FRMD4A: variants seen among roughly 807,000 people sequenced by gnomAD.
FRMD4A encodes FERM domain-containing protein 4A.
FRMD4A carries 29 observed loss-of-function variants against 129.1 expected under a neutral mutation model. The ratio of observed to expected loss-of-function variants is 0.22; its 90% confidence interval spans 0.17 to 0.31. FRMD4A has a LOEUF of 0.31. FRMD4A is among the 10% of genes least tolerant of loss of function. The pLI is 1.00. For synonymous variants in FRMD4A, 634 were observed against 571.6 expected (o/e 1.11, Z -1.56); for missense variants, 1,272 against 1,375.8 (o/e 0.92, Z 1.19).
At chr10:13,866,992 A>G (rs533765489) in intron 2 of FRMD4A, among the ~76,000 whole-genome samples, 2 of 152,318 alleles carry the variant, frequency 1.3e-5, no homozygotes, top group African/African-American at 2.4e-5. Context: ...AGATAGTGTA[A>G]TGGTTACTAC....
intron 2 of FRMD4A, among the ~76,000 whole-genome samples, chr10:13,871,354 C>A (rs188409156): frequency 6.6e-6 from 1 of 152,122 alleles, no homozygotes; most frequent in African/African-American, 2.4e-5. Context: ...ACCGGACCAG[C>A]GGCCTCTGAC....
chr10:14,030,199 TAA>T (rs1395171732), intron 2 of FRMD4A, among the ~76,000 whole-genome samples: 3 of 152,204 alleles, frequency 2.0e-5, no homozygotes, highest in African/African-American at 7.2e-5. Context: ...GTGACTGAGT[TAA>T]CAATGCTGTA....
intron 15 of FRMD4A, among the ~76,000 whole-genome samples, chr10:13,682,649 C>T (rs1404339584): frequency 1.3e-5 from 2 of 151,660 alleles, no homozygotes; most frequent in Non-Finnish European, 2.9e-5. Flanking sequence ...CACAGGCACA[C>T]GCCACCACGC....
intron 2 of FRMD4A, among the ~76,000 whole-genome samples, chr10:14,264,132 C>T (rs1163506194): frequency 2.0e-5 from 3 of 152,144 alleles, no homozygotes; most frequent in East Asian, 3.9e-4. Context: ...CTCATTAATC[C>T]ACTCTGCCCT....
At chr10:13,966,123 G>A (rs765774323) in intron 2 of FRMD4A, among the ~76,000 whole-genome samples, 16 of 151,966 alleles carry the variant, frequency 1.1e-4, no homozygotes, top group Non-Finnish European at 2.1e-4. Context: ...GGGTTCAAGC[G>A]ATTCTCCTGC....
At chr10:14,280,237 G>A (rs1845474651) in intron 2 of FRMD4A, among the ~76,000 whole-genome samples, 1 of 152,160 alleles carries the variant, frequency 6.6e-6, no homozygotes, top group South Asian at 2.1e-4. Flanking sequence ...TTTGCTTGGT[G>A]GAAAAGCATC....
intron 2 of FRMD4A, among the ~76,000 whole-genome samples, chr10:14,034,965 G>A (rs747973930): frequency 6.6e-6 from 1 of 152,136 alleles, no homozygotes; most frequent in Non-Finnish European, 1.5e-5. Context: ...GTCTCCCTGG[G>A]TTCAGTTTCC....
intron 2 of FRMD4A, among the ~76,000 whole-genome samples, chr10:14,040,586 C>T (rs1200170950): frequency 6.6e-6 from 1 of 152,210 alleles, no homozygotes; most frequent in African/African-American, 2.4e-5. Context: ...GAACAGGCCC[C>T]AGGGACTTTG....
chr10:14,330,043 T>C lies in FRMD4A; in HGVS notation c.45+15A>G. 6.4e-7 allele frequency: 1 copy of C among 1,552,094 alleles called. No homozygotes were observed. Among genetic ancestry groups the C allele is most frequent in the Non-Finnish European group, 8.7e-7 (1 of 1,147,112 alleles). On this transcript the variant is annotated intron_variant, in intron 2 of 24. Coordinates refer to ENST00000357447, the MANE Select transcript of FRMD4A (RefSeq NM_018027.5). Reference sequence around the variant, plus strand: ...TGGACGCTGCCCGGGCCCCACCTCCTGTCTGAACACTCACCATCAGCAGGC... The same window carrying C: ...TGGACGCTGCCCGGGCCCCACCTCCCGTCTGAACACTCACCATCAGCAGGC...
chr10:14,007,919 G>A (rs2095667740), intron 2 of FRMD4A: 3 of 980,686 alleles, frequency 3.1e-6, no homozygotes, highest in Non-Finnish European at 3.9e-6. Flanking sequence ...TAAAATTACA[G>A]ATGAGATAGT....
At position 13,876,847 on chromosome 10, in the gene FRMD4A, T is replaced by C. The variant is rs2094493839; in HGVS notation, c.46-17935A>G. Among the ~76,000 whole-genome samples, 5 of 151,814 alleles carry C rather than the reference T, an allele frequency of 3.3e-5. No homozygotes were observed. The South Asian group carries it at 8.3e-4, about 25-fold the overall frequency. On this transcript the variant is annotated intron_variant, in intron 2 of 24. Transcript: ENST00000357447. Reference sequence around the variant, plus strand: ...TTTAAATAGCATATATCTTTATATATATAATTTCAAGGGCAATTATGTAAT... The same window carrying C: ...TTTAAATAGCATATATCTTTATATACATAATTTCAAGGGCAATTATGTAAT...
At chr10:13,925,334 A>G (rs1389791338) in intron 2 of FRMD4A, among the ~76,000 whole-genome samples, 1 of 152,116 alleles carries the variant, frequency 6.6e-6, no homozygotes, top group African/African-American at 2.4e-5. Context: ...CACCACTTCT[A>G]TTATCAATCA....
chr10:14,206,917 C>CAATA lies in FRMD4A; in HGVS notation c.45+123137_45+123140dup, dbSNP rs545806479. ...CCACTGATTGGAATGCAAAATGCTA[C>CAATA]AATATCTCTGGAAGTAATTTCATCC... On this transcript the variant is annotated intron_variant, in intron 2 of 24. Coordinates refer to ENST00000357447, the MANE Select transcript of FRMD4A (RefSeq NM_018027.5). Among the ~76,000 whole-genome samples, 35 of 150,848 alleles carry CAATA rather than the reference C, an allele frequency of 2.3e-4. No homozygotes were observed. The South Asian group carries it at 5.5e-3, about 24-fold the overall frequency.
rs1350011518 is a variant in FRMD4A, at chr10:13,656,995, G to C, written c.2594C>G (p.Ala865Gly). Residue 865 changes from alanine (A) to glycine (G), a missense_variant, in exon 22 of 25, where the codon GCT (alanine) becomes GGT (glycine). Physicochemically the swap from Ala to Gly is moderately conservative, Grantham distance 60 (BLOSUM62 0). Transcript: ENST00000357447. Reference protein sequence around the residue: ...SDQEGHYSVKAQFKTSNSYTA... With the variant: ...SDQEGHYSVKGQFKTSNSYTA... The stretch of plus-strand genomic sequence containing the variant: ...GTAGGAGTTGGACGTCTTGAACTGA[G>C]CCTTGACGCTGTAGTGGCCCTCCTG... 1 of 1,565,234 alleles carries C rather than the reference G, an allele frequency of 6.4e-7. No homozygotes were observed. The highest frequency in any genetic ancestry group is 8.6e-7 in the Non-Finnish European group (1 of 1,162,918).
intron 2 of FRMD4A, among the ~76,000 whole-genome samples, chr10:13,861,733 A>C (rs2094297684): frequency 6.6e-6 from 1 of 152,226 alleles, no homozygotes; most frequent in Admixed American, 6.5e-5. Flanking sequence ...AAATGGGCTC[A>C]AGTCCTATTA....
chr10:14,021,718 T>G (rs1167018961), intron 2 of FRMD4A, among the ~76,000 whole-genome samples: 1 of 152,226 alleles, frequency 6.6e-6, no homozygotes, highest in African/African-American at 2.4e-5. Flanking sequence ...GGGTGGTGGT[T>G]ACACAGGGTG....
rs894104154 is a variant in FRMD4A at position 13,672,429 on chromosome 10, A to AT, written c.1252-1902dup. 4.0e-3 allele frequency among the ~76,000 whole-genome samples: 585 copies of AT among 146,932 alleles called. 8 individuals are homozygous for AT. Among genetic ancestry groups the AT allele is most frequent in the African/African-American group, 0.01 (408 of 40,296 alleles). ...GAGGGTTTTATATTGTCAGGACTTG[A>AT]TTTTTTTTTTTTACTTAGAAAATTC... is the stretch of plus-strand genomic sequence containing the variant. On this transcript the variant is annotated intron_variant, in intron 16 of 24. Coordinates refer to ENST00000357447, the MANE Select transcript of FRMD4A (RefSeq NM_018027.5).
At chr10:14,048,141 A>G (rs531930746) in intron 2 of FRMD4A, among the ~76,000 whole-genome samples, 1 of 152,316 alleles carries the variant, frequency 6.6e-6, no homozygotes, top group South Asian at 2.1e-4. Context: ...GAGCTAGGCT[A>G]AAGAAGGCAG....
chr10:14,181,609 A>G (rs11258921), intron 2 of FRMD4A, among the ~76,000 whole-genome samples: 2,809 of 152,290 alleles, frequency 0.018, 93 homozygotes, highest in African/African-American at 0.064. Context: ...GAAACATTTT[A>G]ATTTTTGACA....
Sources: allele counts gnomAD v4.1 joint callset (sites outside exome capture counted in the v4.1 genomes callset), GRCh38; gene constraint gnomAD v4.1.1; transcripts MANE v1.5; gene names NCBI Gene and HGNC (gene_info 2026-07-23, HGNC 2026-07-21).